TBCA: variants seen among roughly 807,000 people sequenced by gnomAD.
TBCA encodes tubulin folding cofactor A, also known as tubulin-specific chaperone A.
In TBCA, 6 loss-of-function variants were observed where a neutral mutation model predicts 15.8. The ratio of observed to expected loss-of-function variants is 0.38; its 90% CI spans 0.21 to 0.75. The LOEUF is 0.75. Ranked by LOEUF, TBCA falls within the 30% of genes least tolerant of loss-of-function variation. TBCA has a pLI of 0.46. For missense variants in TBCA, 90 were observed against 131.2 expected, an observed-to-expected ratio of 0.69 and a Z score of 1.53; for synonymous variants, 32 against 42.3, an observed-to-expected ratio of 0.76 and a Z score of 0.94.
intron 2 of TBCA, among the ~76,000 whole-genome samples, chr5:77,699,809 G>A (rs1487461350): frequency 1.3e-5 from 2 of 151,912 alleles, no homozygotes; most frequent in African/African-American, 2.4e-5. Flanking sequence ...AGGCCAAGGC[G>A]GGCAGATCAC....
chr5:77,761,299 C>A (rs1580135229), intron 1 of TBCA, among the ~76,000 whole-genome samples: 1 of 152,150 alleles, frequency 6.6e-6, no homozygotes. Flanking sequence ...AAGAAAAATT[C>A]TTCTGCCTTG....
intron 1 of TBCA, among the ~76,000 whole-genome samples, chr5:77,709,640 T>C (rs1205970879): frequency 6.6e-6 from 1 of 152,128 alleles, no homozygotes; most frequent in African/African-American, 2.4e-5. Context: ...CTCAAAAAGT[T>C]AAACAGAGTA....
chr5:77,698,723 CA>C (rs1159992684), intron 2 of TBCA, among the ~76,000 whole-genome samples: 1 of 151,942 alleles, frequency 6.6e-6, no homozygotes, highest in African/African-American at 2.4e-5. Context: ...AAAGACAGCA[CA>C]AAAAACGAAA....
At chr5:77,757,508 A>C (rs1747502823) in intron 1 of TBCA, among the ~76,000 whole-genome samples, 2 of 152,084 alleles carry the variant, frequency 1.3e-5, no homozygotes, top group African/African-American at 4.8e-5. Context: ...GTTGTACAGC[A>C]ACAACAACAA....
intron 1 of TBCA, among the ~76,000 whole-genome samples, chr5:77,741,001 TG>T (rs1277802574): frequency 3.3e-5 from 5 of 152,154 alleles, no homozygotes; most frequent in African/African-American, 1.2e-4. Flanking sequence ...ACCAAAGCAC[TG>T]AAGTATCACT....
chr5:77,762,849 T>C (rs1747673245), intron 1 of TBCA, among the ~76,000 whole-genome samples: 1 of 152,184 alleles, frequency 6.6e-6, no homozygotes, highest in Admixed American at 6.5e-5. Flanking sequence ...ATGTACATCA[T>C]TCTATACAAG....
chr5:77,766,368 T>C (rs1747776699), intron 1 of TBCA, among the ~76,000 whole-genome samples: 2 of 152,166 alleles, frequency 1.3e-5, no homozygotes, highest in Non-Finnish European at 2.9e-5. Context: ...AAATCCTTGA[T>C]ATATTTTCAT....
chr5:77,761,667 AAC>A (rs762816524), intron 1 of TBCA, among the ~76,000 whole-genome samples: 1 of 152,072 alleles, frequency 6.6e-6, no homozygotes, highest in Non-Finnish European at 1.5e-5. Context: ...TAATGCAAGT[AAC>A]ACGTTTTCAA....
intron 2 of TBCA, among the ~76,000 whole-genome samples, chr5:77,703,115 T>G (rs920709412): frequency 4.6e-5 from 7 of 152,348 alleles, no homozygotes; most frequent in Non-Finnish European, 1.0e-4. Flanking sequence ...CATATACATC[T>G]TTTTCAAAAA....
chr5:77,708,427 T>C (rs915188286), intron 1 of TBCA, 80 bp from the exon 2 acceptor site: 169 of 795,486 alleles, frequency 2.1e-4, no homozygotes, highest in South Asian at 1.8e-3. Context: ...ATATAAAACA[T>C]ATTATATTTA....
intron 1 of TBCA, among the ~76,000 whole-genome samples, chr5:77,736,362 T>A (rs986602926): frequency 2.0e-5 from 3 of 149,514 alleles, no homozygotes; most frequent in Non-Finnish European, 4.4e-5. Context: ...AAAATCTAGC[T>A]GGAAAAAAAT....
chr5:77,709,537 A>C (rs2097401256), intron 1 of TBCA, among the ~76,000 whole-genome samples: 1 of 152,214 alleles, frequency 6.6e-6, no homozygotes, highest in South Asian at 2.1e-4. Context: ...GGCTGTTGGC[A>C]AGATGGCAAG....
At chr5:77,705,559 G>T (rs1361994847) in intron 2 of TBCA, 2 of 398,616 alleles carry the variant, frequency 5.0e-6, no homozygotes, top group Middle Eastern at 6.3e-4. Flanking sequence ...AGGTAGGGGG[G>T]ACTCACGCTT....
At chr5:77,736,117 G>A (rs536092777) in intron 1 of TBCA, among the ~76,000 whole-genome samples, 16 of 152,180 alleles carry the variant, frequency 1.1e-4, no homozygotes, top group East Asian at 9.7e-4. Context: ...GGCAGATCAC[G>A]AGGTTAGGAG....
At chr5:77,720,544 T>C (rs1000720032) in intron 1 of TBCA, among the ~76,000 whole-genome samples, 3 of 152,034 alleles carry the variant, frequency 2.0e-5, no homozygotes, top group Admixed American at 6.6e-5. Context: ...TGAAACCTTG[T>C]CTCTACTAAA....
At chr5:77,708,087 A>G (rs1746189112) in intron 2 of TBCA, among the ~76,000 whole-genome samples, 155 bp downstream of exon 2, 2 of 152,172 alleles carry the variant, frequency 1.3e-5, no homozygotes, top group Admixed American at 1.3e-4. Flanking sequence ...CAGTTATTTA[A>G]CCTGTGTTTG....
intron 1 of TBCA, among the ~76,000 whole-genome samples, chr5:77,725,877 C>T (rs1746622333): frequency 1.3e-5 from 2 of 152,134 alleles, no homozygotes; most frequent in Admixed American, 1.3e-4. Context: ...AACAAAACGA[C>T]AGGCTAATGA....
chr5:77,751,166 T>C (rs868695612), intron 1 of TBCA, among the ~76,000 whole-genome samples: 6,926 of 137,024 alleles, frequency 0.051, 178 homozygotes, highest in Non-Finnish European at 0.076. Context: ...TTTCTTTTTT[T>C]TTTTTTTTTT....
chr5:77,692,674 C>A, intron 3 of TBCA: 2 of 983,460 alleles, frequency 2.0e-6, no homozygotes, highest in Non-Finnish European at 2.4e-6. Flanking sequence ...TCAAGAAATA[C>A]AAATGATGCT....
Sources: gnomAD v4.1 joint callset for allele counts (sites outside exome capture counted in the v4.1 genomes callset) on GRCh38, gnomAD v4.1.1 for gene constraint, MANE v1.5 for transcripts, NCBI Gene and HGNC (gene_info 2026-07-23, HGNC 2026-07-21) for gene names.